Variants in ALK observed in about 807,000 individuals in gnomAD.
The protein encoded by ALK is ALK receptor tyrosine kinase.
In ALK, 74 loss-of-function variants were observed where a neutral mutation model predicts 163.1. The ratio of observed to expected loss-of-function variants is 0.45; its 90% confidence interval spans 0.38 to 0.55. The LOEUF is 0.55. Ranked by LOEUF, ALK falls within the 20% of genes least tolerant of loss-of-function variation. The pLI, the probability that ALK is intolerant of heterozygous loss-of-function variation, is 0.00. For synonymous variants in ALK, 960 were observed against 843.2 expected, an observed-to-expected ratio of 1.14 and a Z score of -2.40; for missense variants, 2,063 against 2,105.3, an observed-to-expected ratio of 0.98 and a Z score of 0.39.
intron 1 of ALK, among the ~76,000 whole-genome samples, chr2:29,817,306 T>G (rs1452568318): frequency 6.6e-6 from 1 of 152,232 alleles, no homozygotes; most frequent in Non-Finnish European, 1.5e-5. Context: ...ATAGGTCAGC[T>G]TTCATGGATC....
At chr2:29,224,189 G>T (rs910992760) in intron 19 of ALK, among the ~76,000 whole-genome samples, 7 of 152,170 alleles carry the variant, frequency 4.6e-5, no homozygotes, top group African/African-American at 1.7e-4. Context: ...CCTATAGTTG[G>T]AGAACTGCCA....
At chr2:29,365,121 G>C (rs36034214) in intron 5 of ALK, among the ~76,000 whole-genome samples, 3,354 of 152,272 alleles carry the variant, frequency 0.022, 59 homozygotes, top group South Asian at 0.073. Context: ...TGTCCTCAGG[G>C]AATTTACCAT....
At chr2:29,441,982 CTAAT>C (rs1193379263) in intron 4 of ALK, among the ~76,000 whole-genome samples, 1 of 152,180 alleles carries the variant, frequency 6.6e-6, no homozygotes, top group Non-Finnish European at 1.5e-5. Flanking sequence ...TAAATTAACA[CTAAT>C]TGAGAAGCAG....
chr2:29,663,266 G>T (rs1375747310), intron 3 of ALK, among the ~76,000 whole-genome samples: 1 of 152,088 alleles, frequency 6.6e-6, no homozygotes, highest in Non-Finnish European at 1.5e-5. Context: ...ACTGAAAAAA[G>T]TTTAAGTAAA....
At chr2:29,913,886 A>G (rs553830378) in intron 1 of ALK, among the ~76,000 whole-genome samples, 58 of 150,154 alleles carry the variant, frequency 3.9e-4, no homozygotes, top group African/African-American at 1.4e-3. Flanking sequence ...AAATACAGAA[A>G]GAACACATCT....
At chr2:29,345,978 G>A (rs1667937383) in intron 5 of ALK, among the ~76,000 whole-genome samples, 1 of 152,132 alleles carries the variant, frequency 6.6e-6, no homozygotes, top group African/African-American at 2.4e-5. Context: ...TAAGGGAGAG[G>A]ATTATGAATG....
chr2:29,230,049 C>T (rs1664150533), intron 15 of ALK, among the ~76,000 whole-genome samples: 1 of 152,186 alleles, frequency 6.6e-6, no homozygotes. Context: ...GCCTACTGTT[C>T]CATAGGACAT....
Position 29,813,084 on chromosome 2 carries a change from T to G in ALK, c.668-95387A>C. ...AGATAAACTTCATGGGATTTCAGAC[T>G]GGAAGACATTATTTCTAGATGAAGA... On this transcript the variant is annotated intron_variant, in intron 1 of 28. Transcript: ENST00000389048. 2.6e-5 allele frequency among the ~76,000 whole-genome samples: 4 copies of G among 152,336 alleles called. No homozygotes were observed. The Middle Eastern group carries it at 0.014, about 518-fold the overall frequency.
At chr2:29,380,469 A>G (rs1012009700) in intron 5 of ALK, among the ~76,000 whole-genome samples, 2 of 151,604 alleles carry the variant, frequency 1.3e-5, no homozygotes, top group Admixed American at 1.3e-4. Context: ...CCCAGGCTGG[A>G]GTGCAATGGT....
At chr2:29,448,008 A>C (rs1259394321) in intron 4 of ALK, among the ~76,000 whole-genome samples, 2 of 152,220 alleles carry the variant, frequency 1.3e-5, no homozygotes, top group Non-Finnish European at 2.9e-5. Flanking sequence ...AAGGACAGTA[A>C]CATTCTTGGT....
In ALK at chr2:29,393,647, G is replaced by A. The variant is rs549435124; in HGVS notation, c.1155-9788C>T. Among the ~76,000 whole-genome samples, 6 of 152,292 alleles carry A rather than the reference G, an allele frequency of 3.9e-5. No homozygotes were observed. The East Asian group carries it at 5.8e-4, about 15-fold the overall frequency. On this transcript the variant is annotated intron_variant, in intron 4 of 28. Transcript: ENST00000389048. ...TCATTTCTGAAGGCTCCCAAGTAAC[G>A]TAAAACTTTAATTAAACAAATTTGT...
At chr2:29,913,600 A>G (rs568326804) in intron 1 of ALK, among the ~76,000 whole-genome samples, 2 of 151,984 alleles carry the variant, frequency 1.3e-5, no homozygotes, top group Admixed American at 1.3e-4. Context: ...TTTTTTATCT[A>G]CTCCCAAGTA....
At chr2:29,836,336 C>T (rs1465785203) in intron 1 of ALK, among the ~76,000 whole-genome samples, 2 of 152,290 alleles carry the variant, frequency 1.3e-5, no homozygotes, top group Middle Eastern at 3.4e-3. Context: ...ACCTCTTGCT[C>T]ATACTACCCG....
chr2:29,296,609 C>A lies in ALK; in HGVS notation c.1817+279G>T, dbSNP rs13406263. Among the ~76,000 whole-genome samples the A allele has an allele frequency of 0.13, 19,436 of 152,232 alleles. 1,332 individuals are homozygous for A. Among genetic ancestry groups the A allele is most frequent in the African/African-American group, 0.18 (7,336 of 41,524 alleles). ...TGAGTTGTTCAATTTTATTTTTCCTCCAGACACTGGGGGTAGCCAACCAGG... is the reference window on the plus strand; with the variant it reads ...TGAGTTGTTCAATTTTATTTTTCCTACAGACACTGGGGGTAGCCAACCAGG... On this transcript the variant is annotated intron_variant, in intron 9 of 28. Coordinates refer to ENST00000389048, the MANE Select transcript of ALK (RefSeq NM_004304.5).
intron 5 of ALK, among the ~76,000 whole-genome samples, chr2:29,342,885 T>TC (rs1282679624): frequency 7.0e-6 from 1 of 143,348 alleles, no homozygotes; most frequent in African/African-American, 2.6e-5. Flanking sequence ...ATCTTTTTTT[T>TC]TTTTTTTTTT....
intron 2 of ALK, among the ~76,000 whole-genome samples, chr2:29,710,587 C>G (rs2148301775): frequency 6.6e-6 from 1 of 151,872 alleles, no homozygotes; most frequent in South Asian, 2.1e-4. Flanking sequence ...ACACTCTCGC[C>G]TCACTGCAAC....
chr2:29,648,618 G>C (rs546737275), intron 3 of ALK, among the ~76,000 whole-genome samples: 5 of 152,182 alleles, frequency 3.3e-5, no homozygotes, highest in African/African-American at 1.2e-4. Flanking sequence ...TTGTCCTTTT[G>C]TGACTGGCTG....
At position 29,220,799 on chromosome 2, in the gene ALK, C is replaced by G. The variant is rs878854655; in HGVS notation, c.3552G>C (p.Gly1184=). Residue 1184 remains glycine (G), a synonymous_variant, in exon 23 of 29, where the codon GGG becomes GGC. Transcript: ENST00000389048. ...ACCGGGGCAGGGATTGCAGGCTCAC[C>G]CCAATGCAGCGAACAATGTTCTGGT... is the stretch of plus-strand genomic sequence containing the variant. ...FNHQNIVRCI[G]VSLQSLPRFI... The G allele has an allele frequency of 3.7e-6, 6 of 1,614,114 alleles. No individual in the cohort carries two copies. In the African/African-American group the frequency reaches 8.0e-5, roughly 22 times the overall value.
At chr2:29,428,821 A>C (rs1396556860) in intron 4 of ALK, among the ~76,000 whole-genome samples, 3 of 152,038 alleles carry the variant, frequency 2.0e-5, no homozygotes, top group African/African-American at 7.2e-5. Flanking sequence ...AGAAATCTAC[A>C]GATCAATATG....
Sources: allele counts gnomAD v4.1 joint callset (sites outside exome capture counted in the v4.1 genomes callset), GRCh38; gene constraint gnomAD v4.1.1; transcripts MANE v1.5; gene names NCBI Gene and HGNC (gene_info 2026-07-23, HGNC 2026-07-21).